The following RAD54L2 variants were observed in gnomAD, a reference collection of about 807,000 sequenced individuals.
RAD54L2 encodes the protein RAD54 like 2, also known as helicase ARIP4.
A neutral mutation model predicts 138.4 loss-of-function variants in RAD54L2; 27 were observed. The observed-to-expected ratio is 0.20, with a 90% CI of 0.14 to 0.27. RAD54L2 has a LOEUF of 0.27. Among genes scored for constraint, RAD54L2 ranks in the 10% least tolerant of loss-of-function variants. RAD54L2 has a pLI of 1.00. For missense variants in RAD54L2, 1,396 were observed against 1,890.2 expected (o/e 0.74, Z 4.85); for synonymous variants, 644 against 723.2 (o/e 0.89, Z 1.76).
chr3:51,553,703 C>G (rs1698898491), intron 2 of RAD54L2, among the ~76,000 whole-genome samples: 1 of 152,066 alleles, frequency 6.6e-6, no homozygotes, highest in South Asian at 2.1e-4. Context: ...CAGTGTACAC[C>G]TGTTTAGTCC....
intron 2 of RAD54L2, among the ~76,000 whole-genome samples, chr3:51,575,952 T>C (rs1391458332): frequency 6.6e-6 from 1 of 152,228 alleles, no homozygotes; most frequent in African/African-American, 2.4e-5. Flanking sequence ...GCTTCCAGTG[T>C]TTGCCCATTC....
At chr3:51,566,045 G>A (rs1471119425) in intron 2 of RAD54L2, among the ~76,000 whole-genome samples, 3 of 151,042 alleles carry the variant, frequency 2.0e-5, no homozygotes, top group African/African-American at 7.3e-5. Context: ...AGCCAGGATA[G>A]TCTCGATCTC....
rs928985962 is a variant in RAD54L2 at position 51,638,469 on chromosome 3, C to A, written c.1860+148C>A. On this transcript the variant is annotated intron_variant, in intron 12 of 22. Coordinates refer to ENST00000684192, the MANE Select transcript of RAD54L2 (RefSeq NM_015106.4). This position sits in a 1 kb window ranked among gnomAD's most constrained non-coding sequence, Gnocchi z 4.3. ...CACTGCACTGGAGGTTTGGGGGCTCCAAGGAGAGAGGTGATGGTTTTGTAC... is the reference window on the plus strand; with the variant it reads ...CACTGCACTGGAGGTTTGGGGGCTCAAAGGAGAGAGGTGATGGTTTTGTAC... The A allele has an allele frequency of 1.2e-5, 11 of 910,500 alleles. No homozygotes were observed. The African/African-American group carries it at 1.5e-4, about 12-fold the overall frequency. The allele number at this position is 910,500 out of a possible 1,614,324, so 56.4% of individuals were successfully genotyped here. A position where few individuals can be genotyped will look rare whatever the true frequency, so the allele number is the denominator to read the frequency against.
chr3:51,588,741 C>G (rs1489116061), intron 2 of RAD54L2, among the ~76,000 whole-genome samples: 1 of 152,078 alleles, frequency 6.6e-6, no homozygotes, highest in Non-Finnish European at 1.5e-5. Context: ...ATAAGAGAGA[C>G]AGACATGCAC....
rs571066316 is a variant in RAD54L2 at position 51,662,887 on chromosome 3, T to C, written c.3871T>C (p.Ser1291Pro). Reference sequence around the variant, plus strand: ...GCCGTATGAACACGGGTATCCAGTCTCTGGCGGGTTTGCCATGCCACCCGT... The same window carrying C: ...GCCGTATGAACACGGGTATCCAGTCCCTGGCGGGTTTGCCATGCCACCCGT... ...VQPYEHGYPV[S>P]GGFAMPPVSL... The change falls in exon 23 of 23, where the codon TCT (serine) becomes CCT (proline). Residue 1291 changes from serine to proline, a missense_variant. Ser to Pro is a moderately conservative substitution (Grantham distance 74, BLOSUM62 -1). Transcript: ENST00000684192. The surrounding 1 kb of genome is among the most constrained non-coding windows in gnomAD (Gnocchi z 4.6). 45 of 1,613,804 alleles carry C rather than the reference T, an allele frequency of 2.8e-5. No homozygotes were observed. In the South Asian group the frequency reaches 4.5e-4, roughly 16 times the overall value.
intron 3 of RAD54L2, among the ~76,000 whole-genome samples, chr3:51,623,980 C>CAAAA (rs35064930): frequency 1.0e-3 from 77 of 73,992 alleles, no homozygotes; most frequent in Non-Finnish European, 1.3e-3. Context: ...CTCCGTCTCA[C>CAAAA]AAAAAAAAAA....
chr3:51,578,117 G>A (rs760638144), intron 2 of RAD54L2, among the ~76,000 whole-genome samples: 5 of 151,760 alleles, frequency 3.3e-5, no homozygotes, highest in African/African-American at 4.8e-5. Context: ...GGCCCTTGTA[G>A]CTATTTTTTC....
At chr3:51,564,382 TCA>T (rs1699165726) in intron 2 of RAD54L2, among the ~76,000 whole-genome samples, 2 of 152,200 alleles carry the variant, frequency 1.3e-5, no homozygotes, top group African/African-American at 4.8e-5. Flanking sequence ...AGGGAATGCT[TCA>T]CTCTGGGCCA....
intron 3 of RAD54L2, among the ~76,000 whole-genome samples, chr3:51,624,639 G>T (rs556335674): frequency 6.6e-6 from 1 of 152,122 alleles, no homozygotes; most frequent in Non-Finnish European, 1.5e-5. Flanking sequence ...CCTCCAGTCC[G>T]TTTTTAAACA....
chr3:51,560,278 G>A (rs1381389055), intron 2 of RAD54L2, among the ~76,000 whole-genome samples: 1 of 151,648 alleles, frequency 6.6e-6, no homozygotes, highest in African/African-American at 2.4e-5. Flanking sequence ...AACCTCATGT[G>A]TCTTTTACTC....
At chr3:51,570,859 G>C (rs1699324060) in intron 2 of RAD54L2, among the ~76,000 whole-genome samples, 1 of 151,968 alleles carries the variant, frequency 6.6e-6, no homozygotes, top group Admixed American at 6.6e-5. Flanking sequence ...TTTTGCTCTT[G>C]TTGCCAAGGT....
At chr3:51,605,407 C>T (rs1456485413) in intron 3 of RAD54L2, among the ~76,000 whole-genome samples, 1 of 145,368 alleles carries the variant, frequency 6.9e-6, no homozygotes, top group Non-Finnish European at 1.5e-5. Context: ...GCTTTTGATA[C>T]AATTTAGAAT....
chr3:51,565,251 G>A (rs1017960132), intron 2 of RAD54L2, among the ~76,000 whole-genome samples: 1 of 152,148 alleles, frequency 6.6e-6, no homozygotes, highest in African/African-American at 2.4e-5. Context: ...TGGTGTGGTG[G>A]CACATGCCTG....
intron 3 of RAD54L2, among the ~76,000 whole-genome samples, chr3:51,601,935 C>T (rs1700091728): frequency 6.6e-6 from 1 of 151,786 alleles, no homozygotes. Context: ...CGGCTTACTG[C>T]AACCTCTGCC....
intron 3 of RAD54L2, among the ~76,000 whole-genome samples, chr3:51,600,181 A>G (rs1700050096): frequency 6.6e-6 from 1 of 151,644 alleles, no homozygotes; most frequent in Non-Finnish European, 1.5e-5. Context: ...TGACCTTGTG[A>G]TCCGCCTGCT....
intron 2 of RAD54L2, among the ~76,000 whole-genome samples, chr3:51,582,615 A>C (rs1411407815): frequency 4.1e-5 from 6 of 147,070 alleles, no homozygotes; most frequent in African/African-American, 1.3e-4. Flanking sequence ...GCTGGCCATG[A>C]TTCCATGGAG....
At chr3:51,593,961 T>C (rs1699897045) in intron 3 of RAD54L2, among the ~76,000 whole-genome samples, 3 of 151,986 alleles carry the variant, frequency 2.0e-5, no homozygotes, top group East Asian at 1.9e-4. Context: ...TTTTTTTCTA[T>C]ATAAGCATTT....
In RAD54L2 at chr3:51,665,954, A is replaced by G; in HGVS notation, c.*2534A>G. 1 of 152,158 alleles carries G rather than the reference A, an allele frequency of 6.6e-6. No homozygotes were observed. Among genetic ancestry groups the G allele is most frequent in the Admixed American group, 6.5e-5 (1 of 15,278 alleles). The allele number at this position is 152,158 out of a possible 1,614,324, so 9.4% of individuals were successfully genotyped here. On this transcript the variant is annotated 3_prime_UTR_variant, in exon 23 of 23. Transcript: ENST00000684192. ...CTGGAGGGATGGGCTTGGCTTTTGA[A>G]GTTGACAGAAAGTAAATGGGTATTC...
intron 4 of RAD54L2, among the ~76,000 whole-genome samples, chr3:51,628,809 A>C (rs1023304534): frequency 1.3e-5 from 2 of 151,348 alleles, no homozygotes; most frequent in African/African-American, 4.9e-5. Context: ...TCTGCCTCCC[A>C]GGTTCAAGCG....
Sources: gnomAD v4.1 joint callset for allele counts (sites outside exome capture counted in the v4.1 genomes callset) on GRCh38, gnomAD v4.1.1 for gene constraint, Gnocchi (gnomAD v3.1) non-coding constraint, MANE v1.5 for transcripts, NCBI Gene and HGNC (gene_info 2026-07-23, HGNC 2026-07-21) for gene names.